ERICH6: variants seen among roughly 807,000 people sequenced by gnomAD.
ERICH6 encodes the protein glutamate rich 6, also known as glutamate-rich protein 6.
A neutral mutation model predicts 71.0 loss-of-function variants in ERICH6; 71 were observed. That is an observed-to-expected ratio of 1.00 (90% CI 0.83 to 1.22). ERICH6 has a LOEUF of 1.22. Ranked by LOEUF, ERICH6 falls within the 50% of genes most tolerant of loss-of-function variation. ERICH6 has a pLI of 0.00. For synonymous variants in ERICH6, 262 were observed against 278.4 expected (o/e 0.94, Z 0.59); for missense variants, 808 against 797.2 (o/e 1.01, Z -0.16).
chr3:150,661,582 T>C (rs149746367), intron 13 of ERICH6, among the ~76,000 whole-genome samples: 1,609 of 152,354 alleles, frequency 0.011, 36 homozygotes, highest in African/African-American at 0.037. Context: ...TCCATATTTA[T>C]ATAGTTAATA....
chr3:150,691,719 AT>A (rs35928234), intron 3 of ERICH6, among the ~76,000 whole-genome samples: 7 of 151,382 alleles, frequency 4.6e-5, no homozygotes, highest in African/African-American at 7.3e-5. Flanking sequence ...AGCTGAGATT[AT>A]TTTTTTTTAA....
At chr3:150,670,941 G>A (rs1329227315) in intron 11 of ERICH6, among the ~76,000 whole-genome samples, 1 of 152,126 alleles carries the variant, frequency 6.6e-6, no homozygotes, top group South Asian at 2.1e-4. Flanking sequence ...GGCATGAAAT[G>A]ATTAATAATA....
At chr3:150,686,077 C>T (rs1409411221) in intron 4 of ERICH6, 56 bp from the exon 5 acceptor site, 1 of 1,411,508 alleles carries the variant, frequency 7.1e-7, no homozygotes, top group East Asian at 2.3e-5. Context: ...GCAGTGCATT[C>T]CACTTCTGTA....
chr3:150,666,758 C>T, intron 13 of ERICH6, 29 bp downstream of exon 13: 1 of 1,585,254 alleles, frequency 6.3e-7, no homozygotes, highest in Non-Finnish European at 8.6e-7. Flanking sequence ...ATTCTAAATG[C>T]TTTAAACTGT....
At position 150,702,168 on chromosome 3, in the gene ERICH6, T is replaced by C; in HGVS notation, c.414A>G (p.Lys138=). ...TGTCTTTCCTAAATGTCTGAAATAT[T>C]TTAGGGAAACCTGTTGAATGAAACA... ...SSTSSHKSFP[K]IFQTFRKDMS... The change falls in exon 2 of 14, where the codon AAA becomes AAG. Residue 138 remains lysine, a synonymous_variant. Coordinates refer to ENST00000295910, the MANE Select transcript of ERICH6 (RefSeq NM_152394.5). 1 of 1,583,170 alleles carries C rather than the reference T, an allele frequency of 6.3e-7. No homozygotes were observed. Among genetic ancestry groups the C allele is most frequent in the Non-Finnish European group, 8.6e-7 (1 of 1,159,296 alleles).
At chr3:150,669,161 A>T in intron 12 of ERICH6, 135 bp downstream of exon 12, 1 of 928,568 alleles carries the variant, frequency 1.1e-6, no homozygotes, top group Non-Finnish European at 1.5e-6. Context: ...AATGTCTCTG[A>T]GTTGAACATT....
intron 6 of ERICH6, among the ~76,000 whole-genome samples, chr3:150,685,450 G>A (rs1045924580): frequency 6.6e-6 from 1 of 152,078 alleles, no homozygotes; most frequent in Non-Finnish European, 1.5e-5. Flanking sequence ...AAGAGGGAAG[G>A]GAGGATTTTC....
chr3:150,666,798 T>C lies in ERICH6; in HGVS notation c.1717A>G (p.Thr573Ala). Residue 573 changes from threonine to alanine, a missense_variant, in exon 13 of 14, where the codon ACC (threonine) becomes GCC (alanine). Physicochemically the swap from Thr to Ala is moderately conservative, Grantham distance 58. Coordinates refer to ENST00000295910, the MANE Select transcript of ERICH6 (RefSeq NM_152394.5). Reference protein sequence around the residue: ...MGQQARISVGTKVKLPNPEEI... With the variant: ...MGQQARISVGAKVKLPNPEEI... ...AAAAATGTACCTACCTTCACTTTGG[T>C]TCCAACACTGATTCTTGCCTGTTGG... 6.2e-7 allele frequency: 1 copy of C among 1,614,056 alleles called. No individual in the cohort carries two copies. Among genetic ancestry groups the C allele is most frequent in the Non-Finnish European group, 8.5e-7 (1 of 1,179,962 alleles).
At chr3:150,668,555 G>A (rs923962973) in intron 12 of ERICH6, among the ~76,000 whole-genome samples, 8 of 152,106 alleles carry the variant, frequency 5.3e-5, no homozygotes, top group African/African-American at 1.2e-4. Context: ...TGCTGTGGAC[G>A]AAAAACACAA....
rs1727260039 is a variant in ERICH6 at position 150,662,481 on chromosome 3, AC to A, written c.1729-2327del. ...GAATTTTGTACCAATAAACTGTACA[AC>A]TTTTTTGGTTAAATATACATGGAAC... On this transcript the variant is annotated intron_variant, in intron 13 of 13. Transcript: ENST00000295910. Among the ~76,000 whole-genome samples, 8 of 152,314 alleles carry A rather than the reference AC, an allele frequency of 5.3e-5. 1 individual carries two copies. In the South Asian group the frequency reaches 1.7e-3, roughly 32 times the overall value.
At chr3:150,699,154 T>C (rs953601494) in intron 2 of ERICH6, among the ~76,000 whole-genome samples, 6 of 151,864 alleles carry the variant, frequency 4.0e-5, no homozygotes, top group African/African-American at 1.5e-4. Context: ...CTATAAAACA[T>C]AAAAAAATTA....
rs948661867 is a variant in ERICH6 at position 150,680,469 on chromosome 3, A to T, written c.1110T>A (p.Asp370Glu). Residue 370 changes from aspartate to glutamate, a missense_variant and splice_region_variant, in exon 9 of 14, where the codon GAT becomes GAA. Physicochemically the swap from Asp to Glu is conservative, Grantham distance 45. Transcript: ENST00000295910. ...ISREQTHFSE[D>E]DSKRLKTISY... Reference sequence around the variant, plus strand: ...TAAGATCAGCACTAATGAACTCACCATCTTCAGAGAAATGAGTCTGTTCCC... The same window carrying T: ...TAAGATCAGCACTAATGAACTCACCTTCTTCAGAGAAATGAGTCTGTTCCC... 2 of 1,614,022 alleles carry T rather than the reference A, an allele frequency of 1.2e-6. No individual in the cohort carries two copies. Among genetic ancestry groups the T allele is most frequent in the Non-Finnish European group, 1.7e-6 (2 of 1,179,974 alleles).
intron 2 of ERICH6, among the ~76,000 whole-genome samples, chr3:150,700,383 T>C (rs971898726): frequency 1.3e-5 from 2 of 151,190 alleles, no homozygotes; most frequent in Non-Finnish European, 2.9e-5. Context: ...AATGAAGAAA[T>C]TTCAAAGCAG....
At position 150,666,931 on chromosome 3, in the gene ERICH6, A is replaced by G; in HGVS notation, c.1584T>C (p.Thr528=). 1 of 1,614,182 alleles carries G rather than the reference A, an allele frequency of 6.2e-7. No homozygotes were observed. Among genetic ancestry groups the G allele is most frequent in the East Asian group, 2.2e-5 (1 of 44,876 alleles). The change falls in exon 13 of 14, where the codon ACT becomes ACC. Residue 528 remains threonine (T), a synonymous_variant. Coordinates refer to ENST00000295910, the MANE Select transcript of ERICH6 (RefSeq NM_152394.5). ...GTTTAAATGAAACAAAGGGTGAGGAAGTGATGGAATTTGACCAATTCCAAG... is the reference window on the plus strand; with the variant it reads ...GTTTAAATGAAACAAAGGGTGAGGAGGTGATGGAATTTGACCAATTCCAAG... The part of the protein sequence containing the change: ...IRAWNWSNSI[T]SSPFVSFKPV...
intron 3 of ERICH6, among the ~76,000 whole-genome samples, chr3:150,689,813 G>C (rs1712350772): frequency 6.6e-6 from 1 of 152,178 alleles, no homozygotes; most frequent in Admixed American, 6.5e-5. Flanking sequence ...AAACAGAGAA[G>C]GTACCAGAGT....
chr3:150,677,301 C>T (rs1029377776), intron 10 of ERICH6, among the ~76,000 whole-genome samples: 18 of 151,950 alleles, frequency 1.2e-4, no homozygotes, highest in South Asian at 4.2e-4. Flanking sequence ...AATTTAATTA[C>T]GAGAGGTCTA....
chr3:150,679,191 CT>C (rs141451567), intron 9 of ERICH6, among the ~76,000 whole-genome samples: 20,554 of 150,566 alleles, frequency 0.14, 1,596 homozygotes, highest in African/African-American at 0.21. Flanking sequence ...CTCTAAGTAT[CT>C]TTTTTTTTGG....
chr3:150,696,068 G>C (rs1466008847), intron 3 of ERICH6, among the ~76,000 whole-genome samples: 1 of 151,906 alleles, frequency 6.6e-6, no homozygotes, highest in Non-Finnish European at 1.5e-5. Flanking sequence ...AATTAAGATA[G>C]TGTGATATTG....
At chr3:150,697,790 T>C (rs571239331) in intron 3 of ERICH6, among the ~76,000 whole-genome samples, 1 of 152,176 alleles carries the variant, frequency 6.6e-6, no homozygotes, top group Non-Finnish European at 1.5e-5. Context: ...AGTTGGATTA[T>C]ATCACTTCTC....
Sources: allele counts gnomAD v4.1 joint callset (sites outside exome capture counted in the v4.1 genomes callset), GRCh38; gene constraint gnomAD v4.1.1; transcripts MANE v1.5; gene names NCBI Gene and HGNC (gene_info 2026-07-23, HGNC 2026-07-21).